ROBO2: variants seen among roughly 807,000 people sequenced by gnomAD.
The protein encoded by ROBO2 is roundabout homolog 2.
ROBO2 carries 53 observed loss-of-function variants against 160.8 expected under a neutral mutation model. That is an observed-to-expected ratio of 0.33 (90% confidence interval 0.26 to 0.41). ROBO2 has a LOEUF of 0.41. Ranked by LOEUF, ROBO2 falls within the 10% of genes least tolerant of loss-of-function variation. The pLI is 1.00. For missense variants in ROBO2, 1,577 were observed against 1,722.4 expected (o/e 0.92, Z 1.49); for synonymous variants, 664 against 611.7 (o/e 1.09, Z -1.26).
chr3:76,679,164 A>G (rs957834205), intron 2 of ROBO2, among the ~76,000 whole-genome samples: 16 of 152,126 alleles, frequency 1.1e-4, no homozygotes, highest in South Asian at 4.1e-4. Context: ...AGCTTAATTT[A>G]TTCTTTGTTT....
chr3:76,617,497 T>C (rs930639386), intron 2 of ROBO2, among the ~76,000 whole-genome samples: 1 of 152,184 alleles, frequency 6.6e-6, no homozygotes, highest in Admixed American at 6.5e-5. Context: ...TACAATGGTA[T>C]TAAGAGATAG....
At position 76,376,752 on chromosome 3, in the gene ROBO2, A is replaced by G. The variant is rs547429487; in HGVS notation, c.109+439150A>G. ...AAGGGGCCAGAGGACAAGGGAAAGG[A>G]TTAAGAAATGTTGATTTGGCAGAGT... On this transcript the variant is annotated intron_variant, in intron 2 of 26. Transcript: ENST00000487694. 3.3e-5 allele frequency among the ~76,000 whole-genome samples: 5 copies of G among 152,258 alleles called. No individual in the cohort carries two copies. The South Asian group carries it at 1.0e-3, about 32-fold the overall frequency.
intron 2 of ROBO2, among the ~76,000 whole-genome samples, chr3:77,413,489 T>G (rs1305291019): frequency 6.6e-6 from 1 of 151,976 alleles, no homozygotes; most frequent in Admixed American, 6.6e-5. Flanking sequence ...CATTGAAAGG[T>G]TTGCGTTTTG....
intron 2 of ROBO2, among the ~76,000 whole-genome samples, chr3:76,861,654 T>G (rs994311481): frequency 6.6e-6 from 1 of 152,158 alleles, no homozygotes; most frequent in African/African-American, 2.4e-5. Context: ...AATTCTAGAG[T>G]GGTGTATATA....
chr3:76,682,529 T>G (rs1418660944), intron 2 of ROBO2, among the ~76,000 whole-genome samples: 6 of 152,020 alleles, frequency 3.9e-5, no homozygotes, highest in South Asian at 2.1e-4. Flanking sequence ...TGCCTCAGCC[T>G]CCTGAGTAGC....
chr3:77,575,936 G>A (rs990139188), intron 14 of ROBO2, among the ~76,000 whole-genome samples: 2 of 152,004 alleles, frequency 1.3e-5, no homozygotes, highest in African/African-American at 4.8e-5. Flanking sequence ...CTGTGGCTAT[G>A]TGATGGTAAC....
intron 2 of ROBO2, among the ~76,000 whole-genome samples, chr3:76,445,187 T>C (rs1377385599): frequency 6.6e-6 from 1 of 152,198 alleles, no homozygotes; most frequent in African/African-American, 2.4e-5. Context: ...AAGTAGATTA[T>C]ATAAATCATA....
intron 2 of ROBO2, among the ~76,000 whole-genome samples, chr3:77,256,271 G>A (rs765262354): frequency 7.9e-5 from 12 of 152,256 alleles, no homozygotes; most frequent in Non-Finnish European, 1.3e-4. Context: ...TTCTATAAAT[G>A]TAATAAAACA....
intron 2 of ROBO2, among the ~76,000 whole-genome samples, chr3:76,714,103 G>T (rs1192926555): frequency 6.6e-6 from 1 of 152,012 alleles, no homozygotes; most frequent in African/African-American, 2.4e-5. Context: ...GTTTATTTTT[G>T]TTTTGTTTGA....
intron 2 of ROBO2, among the ~76,000 whole-genome samples, chr3:76,048,185 T>C (rs1404653711): frequency 6.6e-6 from 1 of 152,144 alleles, no homozygotes; most frequent in Non-Finnish European, 1.5e-5. Flanking sequence ...GCAGGTTTTT[T>C]ATGCTAAAAA....
At chr3:77,407,297 A>T (rs941427496) in intron 2 of ROBO2, among the ~76,000 whole-genome samples, 2 of 152,222 alleles carry the variant, frequency 1.3e-5, no homozygotes, top group East Asian at 3.9e-4. Context: ...TCTAAAAAAA[A>T]ATCAACTCTA....
At chr3:76,664,013 G>C (rs1481749875) in intron 2 of ROBO2, among the ~76,000 whole-genome samples, 3 of 152,128 alleles carry the variant, frequency 2.0e-5, no homozygotes, top group Non-Finnish European at 2.9e-5. Flanking sequence ...TAAAAAGGGA[G>C]AGTTGGGCCA....
chr3:77,159,698 G>C (rs1413349096), intron 2 of ROBO2, among the ~76,000 whole-genome samples: 2 of 151,932 alleles, frequency 1.3e-5, no homozygotes, highest in African/African-American at 4.8e-5. Flanking sequence ...ATCAAACTTG[G>C]GTAATTTAAT....
chr3:77,403,007 G>C (rs1349610578), intron 2 of ROBO2, among the ~76,000 whole-genome samples: 1 of 152,078 alleles, frequency 6.6e-6, no homozygotes, highest in East Asian at 1.9e-4. Context: ...AAGAATTGAG[G>C]TTGCTACAGA....
At chr3:76,264,362 A>G (rs925950572) in intron 2 of ROBO2, among the ~76,000 whole-genome samples, 2 of 149,766 alleles carry the variant, frequency 1.3e-5, no homozygotes, top group Non-Finnish European at 3.0e-5. Context: ...GTGGCCTTCT[A>G]GACTTCCATA....
At chr3:77,632,627 G>A in intron 23 of ROBO2, 1 of 1,535,526 alleles carries the variant, frequency 6.5e-7, no homozygotes, top group Non-Finnish European at 8.7e-7. Context: ...GCTGGTTTTA[G>A]GCTGGATGGA....
chr3:76,439,073 A>G (rs1344653283), intron 2 of ROBO2, among the ~76,000 whole-genome samples: 1 of 152,182 alleles, frequency 6.6e-6, no homozygotes, highest in Non-Finnish European at 1.5e-5. Context: ...TCTAGAGAAT[A>G]ACCACAAAGA....
At chr3:76,123,474 G>T (rs991032943) in intron 2 of ROBO2, among the ~76,000 whole-genome samples, 1 of 152,060 alleles carries the variant, frequency 6.6e-6, no homozygotes, top group African/African-American at 2.4e-5. Flanking sequence ...TAACCAATAA[G>T]TTGAGCGACT....
chr3:77,354,210 AGTT>A (rs1346233203), intron 2 of ROBO2, among the ~76,000 whole-genome samples: 1 of 152,188 alleles, frequency 6.6e-6, no homozygotes, highest in African/African-American at 2.4e-5. Context: ...CTGAACAAGT[AGTT>A]GTTGGTCTCA....
Sources: gnomAD v4.1 joint callset for allele counts (sites outside exome capture counted in the v4.1 genomes callset) on GRCh38, gnomAD v4.1.1 for gene constraint, MANE v1.5 for transcripts, NCBI Gene and HGNC (gene_info 2026-07-23, HGNC 2026-07-21) for gene names.